IMMP2L: variants seen among roughly 807,000 people sequenced by gnomAD.
IMMP2L encodes the protein inner mitochondrial membrane peptidase subunit 2.
In IMMP2L, 18 loss-of-function variants were observed where a neutral mutation model predicts 19.3. The observed-to-expected ratio is 0.93, with a 90% CI of 0.64 to 1.38. The LOEUF (loss-of-function observed/expected upper bound fraction) is 1.38, where lower values mean the gene tolerates loss of function less well. IMMP2L is among the 40% of genes most tolerant of loss of function. IMMP2L has a pLI of 0.00. For synonymous variants in IMMP2L, 76 were observed against 73.0 expected (o/e 1.04, Z -0.21); for missense variants, 233 against 218.2 (o/e 1.07, Z -0.43).
intron 3 of IMMP2L, among the ~76,000 whole-genome samples, chr7:111,257,117 G>T (rs986628286): frequency 6.6e-6 from 1 of 152,068 alleles, no homozygotes; most frequent in African/African-American, 2.4e-5. Flanking sequence ...AGTTTTCTCA[G>T]ATTCTAAAAG....
chr7:111,270,425 A>G (rs1004847526), intron 3 of IMMP2L, among the ~76,000 whole-genome samples: 1 of 152,114 alleles, frequency 6.6e-6, no homozygotes, highest in Non-Finnish European at 1.5e-5. Flanking sequence ...AAGAGTCTAA[A>G]TGTATTCTAT....
intron 3 of IMMP2L, among the ~76,000 whole-genome samples, chr7:111,094,038 T>TTA (rs1274685517): frequency 6.6e-6 from 1 of 152,150 alleles, no homozygotes; most frequent in East Asian, 1.9e-4. Context: ...GGTGATCAAC[T>TTA]TATGATGCAC....
At chr7:111,377,803 A>G (rs552089296) in intron 3 of IMMP2L, among the ~76,000 whole-genome samples, 1 of 152,148 alleles carries the variant, frequency 6.6e-6, no homozygotes, top group South Asian at 2.1e-4. Flanking sequence ...TAATGCTATG[A>G]ACAATTTGCT....
At chr7:111,330,870 C>T (rs1185942460) in intron 3 of IMMP2L, among the ~76,000 whole-genome samples, 1 of 151,718 alleles carries the variant, frequency 6.6e-6, no homozygotes, top group Non-Finnish European at 1.5e-5. Context: ...TTAAAGACCA[C>T]AATGAGATAT....
intron 3 of IMMP2L, among the ~76,000 whole-genome samples, chr7:111,369,243 C>A (rs116778962): frequency 0.015 from 2,310 of 151,976 alleles, 62 homozygotes; most frequent in African/African-American, 0.052. Flanking sequence ...AAATATTACT[C>A]TCAGTAAATA....
intron 3 of IMMP2L, among the ~76,000 whole-genome samples, chr7:111,335,075 C>G (rs749470587): frequency 6.6e-6 from 1 of 152,032 alleles, no homozygotes; most frequent in Non-Finnish European, 1.5e-5. Context: ...GAGATTCACA[C>G]TTACCGATGC....
chr7:111,065,361 T>C (rs1296949215), intron 3 of IMMP2L, among the ~76,000 whole-genome samples: 1 of 152,184 alleles, frequency 6.6e-6, no homozygotes, highest in African/African-American at 2.4e-5. Flanking sequence ...TAAGACTTTA[T>C]TATTGTCTTT....
In IMMP2L at chr7:110,853,122, G is replaced by A. The variant is rs775441904; in HGVS notation, c.408+33471C>T. ...ATTACATTTGCATACACACACACACGCATATATCTGAGTACACACACACAC... is the reference window on the plus strand; with the variant it reads ...ATTACATTTGCATACACACACACACACATATATCTGAGTACACACACACAC... On this transcript the variant is annotated intron_variant, in intron 5 of 5. Transcript: ENST00000405709. Among the ~76,000 whole-genome samples, 37 of 151,458 alleles carry A rather than the reference G, an allele frequency of 2.4e-4. 1 individual carries two copies. The highest frequency in any genetic ancestry group is 1.5e-4 in the Non-Finnish European group (10 of 67,792).
intron 1 of IMMP2L, among the ~76,000 whole-genome samples, chr7:111,558,693 A>G (rs1274636113): frequency 6.6e-6 from 1 of 152,160 alleles, no homozygotes; most frequent in Non-Finnish European, 1.5e-5. Context: ...ACACTATTAT[A>G]TATGTTGATT....
chr7:111,033,714 G>A (rs1463960260), intron 3 of IMMP2L, among the ~76,000 whole-genome samples: 1 of 152,116 alleles, frequency 6.6e-6, no homozygotes, highest in Non-Finnish European at 1.5e-5. Flanking sequence ...GGCAATCTGA[G>A]GAAGCTACAT....
At chr7:111,559,845 C>A (rs558627560) in intron 1 of IMMP2L, among the ~76,000 whole-genome samples, 3 of 151,946 alleles carry the variant, frequency 2.0e-5, no homozygotes, top group Non-Finnish European at 4.4e-5. Context: ...CAAAGTGACA[C>A]AGCTAATAAA....
rs575142857 is a variant in IMMP2L at position 110,803,487 on chromosome 7, G to A, written c.408+83106C>T. Among the ~76,000 whole-genome samples the A allele has an allele frequency of 8.5e-5, 13 of 152,212 alleles. No homozygotes were observed. The South Asian group carries it at 2.7e-3, about 32-fold the overall frequency. ...GTTTATAGAGAGTAGGAATCAATGG[G>A]ATCAATGTGTACACAGGGAGAAGGA... On this transcript the variant is annotated intron_variant, in intron 5 of 5. Coordinates refer to ENST00000405709, the MANE Select transcript of IMMP2L (RefSeq NM_032549.4). This position sits in a 1 kb window ranked among gnomAD's most constrained non-coding sequence, Gnocchi z 4.2.
At chr7:110,927,915 C>G (rs769116850) in intron 4 of IMMP2L, among the ~76,000 whole-genome samples, 3 of 151,970 alleles carry the variant, frequency 2.0e-5, no homozygotes, top group Non-Finnish European at 2.9e-5. Context: ...TCAGTTTTGG[C>G]CAGTAGGAAG....
intron 5 of IMMP2L, among the ~76,000 whole-genome samples, chr7:110,830,179 A>G (rs942641310): frequency 6.6e-6 from 1 of 152,182 alleles, no homozygotes; most frequent in Non-Finnish European, 1.5e-5. Context: ...GTGCTTAGAA[A>G]GGAAAAAGGG....
chr7:111,488,779 G>A (rs1842857587), intron 2 of IMMP2L, among the ~76,000 whole-genome samples: 1 of 152,088 alleles, frequency 6.6e-6, no homozygotes, highest in South Asian at 2.1e-4. Context: ...GAACCTCGAT[G>A]CTGTTTTTCA....
intron 3 of IMMP2L, among the ~76,000 whole-genome samples, chr7:111,154,624 G>T (rs886611076): frequency 1.3e-5 from 2 of 152,146 alleles, no homozygotes; most frequent in Non-Finnish European, 2.9e-5. Flanking sequence ...GAGCCTCATT[G>T]CTCCAAATCT....
At chr7:110,686,392 C>A (rs1045322891) in intron 5 of IMMP2L, among the ~76,000 whole-genome samples, 1 of 151,994 alleles carries the variant, frequency 6.6e-6, no homozygotes, top group African/African-American at 2.4e-5. Context: ...ATAGTTTCAA[C>A]ACCTACCACA....
At chr7:111,115,518 C>A (rs556563231) in intron 3 of IMMP2L, among the ~76,000 whole-genome samples, 6 of 152,078 alleles carry the variant, frequency 3.9e-5, no homozygotes, top group African/African-American at 1.2e-4. Flanking sequence ...TTTCATCCCC[C>A]CCTCTGTAAA....
chr7:110,875,873 C>T (rs907099785), intron 5 of IMMP2L, among the ~76,000 whole-genome samples: 1 of 152,094 alleles, frequency 6.6e-6, no homozygotes, highest in Non-Finnish European at 1.5e-5. Flanking sequence ...TATTCCACAA[C>T]TTGATGAAGC....
Sources: allele counts gnomAD v4.1 joint callset (sites outside exome capture counted in the v4.1 genomes callset), GRCh38; gene constraint gnomAD v4.1.1; non-coding constraint Gnocchi (gnomAD v3.1); transcripts MANE v1.5; gene names NCBI Gene and HGNC (gene_info 2026-07-23, HGNC 2026-07-21).